EFTUD2: variants seen among roughly 807,000 people sequenced by gnomAD.
EFTUD2 encodes the protein 116 kDa U5 small nuclear ribonucleoprotein component.
In EFTUD2, 9 loss-of-function variants were observed where a neutral mutation model predicts 114.3. That is an observed-to-expected ratio of 0.08 (90% CI 0.05 to 0.14). The LOEUF (loss-of-function observed/expected upper bound fraction) is 0.14. Among genes scored for constraint, EFTUD2 ranks in the 10% least tolerant of loss-of-function variants. The pLI, the probability that EFTUD2 is intolerant of heterozygous loss-of-function variation, is 1.00. For synonymous variants in EFTUD2, 449 were observed against 462.3 expected (o/e 0.97, Z 0.37); for missense variants, 765 against 1,241.2 (o/e 0.62, Z 5.76).
chr17:44,864,023 G>C, intron 14 of EFTUD2: 2 of 377,912 alleles, frequency 5.3e-6, no homozygotes, highest in Non-Finnish European at 9.5e-6. Flanking sequence ...TGGTTCCTTG[G>C]AACTCAGCTG....
intron 2 of EFTUD2, chr17:44,894,212 A>C: frequency 2.3e-6 from 1 of 436,234 alleles, no homozygotes; most frequent in East Asian, 4.1e-5. Context: ...CACGAAAAAT[A>C]AAAAAAAATT....
chr17:44,896,916 A>C (rs1806712132), intron 1 of EFTUD2, among the ~76,000 whole-genome samples: 1 of 152,178 alleles, frequency 6.6e-6, no homozygotes, highest in Non-Finnish European at 1.5e-5. Flanking sequence ...CACCCTGTGT[A>C]AAGAATTTAC....
rs1440273588 is a variant in EFTUD2 at position 44,857,288 on chromosome 17, G to A, written c.1963-131C>T. The A allele has an allele frequency of 4.2e-6, 3 of 710,908 alleles. No homozygotes were observed. In the African/African-American group the frequency reaches 5.3e-5, roughly 12 times the overall value. 44.0% of individuals were successfully genotyped at this position (710,908 alleles called of 1,614,324 possible). ...ACCCCAACTGCCTTAATCAGCACAA[G>A]TGATAAGTACAACAGCAGGTTAAAA... On this transcript the variant is annotated intron_variant, in intron 19 of 27. Transcript: ENST00000426333.
intron 4 of EFTUD2, among the ~76,000 whole-genome samples, 188 bp downstream of exon 4, chr17:44,885,068 G>A (rs2051142605): frequency 6.6e-6 from 1 of 152,122 alleles, no homozygotes; most frequent in African/African-American, 2.4e-5. Context: ...CTAACATTTG[G>A]ATGAACACCA....
chr17:44,889,195 G>A (rs925750263), intron 2 of EFTUD2, among the ~76,000 whole-genome samples: 5 of 152,188 alleles, frequency 3.3e-5, no homozygotes, highest in African/African-American at 1.2e-4. Context: ...GCTGAGGACT[G>A]GGAACTGACC....
chr17:44,863,809 A>G, intron 14 of EFTUD2, 27 bp from the exon 15 acceptor site: 1 of 1,611,924 alleles, frequency 6.2e-7, no homozygotes, highest in Non-Finnish European at 8.5e-7. Context: ...GAAAGCCATT[A>G]ATACATGCCT....
At chr17:44,860,657 G>A (rs2050639836) in intron 16 of EFTUD2, 114 bp from the exon 17 acceptor site, 2 of 675,484 alleles carry the variant, frequency 3.0e-6, no homozygotes, top group African/African-American at 1.9e-5. Context: ...GGAGTGCAGT[G>A]GCACAATCTT....
chr17:44,860,625 G>T (rs1324840810), intron 16 of EFTUD2, 82 bp from the exon 17 acceptor site: 46 of 830,370 alleles, frequency 5.5e-5, no homozygotes, highest in Non-Finnish European at 8.4e-5. Flanking sequence ...TTTGAGACAG[G>T]ATCTCACTTT....
chr17:44,872,341 C>T, intron 11 of EFTUD2, 105 bp downstream of exon 11: 1 of 1,455,968 alleles, frequency 6.9e-7, no homozygotes, highest in Non-Finnish European at 9.5e-7. Context: ...ATAAAATGTT[C>T]CCCCAGCAGG....
intron 12 of EFTUD2, 77 bp from the exon 13 acceptor site, chr17:44,867,974 C>A: frequency 7.3e-7 from 1 of 1,365,432 alleles, no homozygotes; most frequent in South Asian, 1.4e-5. Flanking sequence ...TGTCTAAGTG[C>A]TGAATCTGAA....
At chr17:44,859,621 C>T (rs995766858) in intron 18 of EFTUD2, 4 of 549,894 alleles carry the variant, frequency 7.3e-6, no homozygotes, top group African/African-American at 3.8e-5. Context: ...TAGATAAAGA[C>T]ATCTGCGGAA....
chr17:44,892,817 A>C (rs2051305871), intron 2 of EFTUD2, among the ~76,000 whole-genome samples: 1 of 151,552 alleles, frequency 6.6e-6, no homozygotes, highest in Admixed American at 6.6e-5. Context: ...TTTGTATTTT[A>C]GTAGAGACGG....
chr17:44,898,734 A>T (rs904686465), intron 1 of EFTUD2, among the ~76,000 whole-genome samples: 1 of 151,992 alleles, frequency 6.6e-6, no homozygotes, highest in East Asian at 1.9e-4. Context: ...TCCCACTTTC[A>T]CTGTTTTATT....
chr17:44,851,408 G>T, intron 27 of EFTUD2, 39 bp from the exon 28 acceptor site: 1 of 1,529,484 alleles, frequency 6.5e-7, no homozygotes, highest in Non-Finnish European at 9.0e-7. Context: ...GCCCGAGGTG[G>T]TCGCAGACTA....
rs746539127 is a variant in EFTUD2 at position 44,876,128 on chromosome 17, TAAG to T, written c.703-31_703-29del. 28 of 1,595,112 alleles carry T rather than the reference TAAG, an allele frequency of 1.8e-5. 1 individual carries two copies. The highest frequency in any genetic ancestry group is 2.3e-5 in the Non-Finnish European group (27 of 1,167,338). On this transcript the variant is annotated intron_variant, in intron 9 of 27. Coordinates refer to ENST00000426333, the MANE Select transcript of EFTUD2 (RefSeq NM_004247.4). Reference sequence around the variant, plus strand: ...GAGAAAAACAAGGCTCAGAAGGTGGTAAGAAGAACAAGGAGGGCAGAAAGTTCA... The same window carrying T: ...GAGAAAAACAAGGCTCAGAAGGTGGTAAGAACAAGGAGGGCAGAAAGTTCA...
chr17:44,893,310 A>G (rs2051316258), intron 2 of EFTUD2, among the ~76,000 whole-genome samples: 1 of 152,092 alleles, frequency 6.6e-6, no homozygotes, highest in Non-Finnish European at 1.5e-5. Context: ...TTTAGTAGAG[A>G]CGGGGTTTCA....
At chr17:44,874,313 G>C (rs1363901075) in intron 10 of EFTUD2, among the ~76,000 whole-genome samples, 1 of 152,036 alleles carries the variant, frequency 6.6e-6, no homozygotes, top group Non-Finnish European at 1.5e-5. Flanking sequence ...TCAAAGTGCT[G>C]GGATTACAGG....
intron 4 of EFTUD2, 60 bp from the exon 5 acceptor site, chr17:44,883,784 G>T: frequency 6.5e-7 from 1 of 1,541,606 alleles, no homozygotes. Flanking sequence ...ATGAGGAGTG[G>T]TGTAAAGGTG....
intron 2 of EFTUD2, among the ~76,000 whole-genome samples, chr17:44,893,527 A>G (rs1238247629): frequency 6.6e-6 from 1 of 152,176 alleles, no homozygotes; most frequent in Non-Finnish European, 1.5e-5. Flanking sequence ...GGAATTATTC[A>G]TGACTGTTAA....
Sources: gnomAD v4.1 joint callset for allele counts (sites outside exome capture counted in the v4.1 genomes callset) on GRCh38, gnomAD v4.1.1 for gene constraint, MANE v1.5 for transcripts, NCBI Gene and HGNC (gene_info 2026-07-23, HGNC 2026-07-21) for gene names.